Variants in UBL3 observed in about 807,000 individuals in gnomAD.
The protein encoded by UBL3 is ubiquitin like 3.
A neutral mutation model predicts 18.4 loss-of-function variants in UBL3; 6 were observed. That is an observed-to-expected ratio of 0.33 (90% CI 0.18 to 0.64). The LOEUF is 0.64. Among genes scored for constraint, UBL3 ranks in the 30% least tolerant of loss-of-function variants. The pLI, the probability that UBL3 is intolerant of heterozygous loss-of-function variation, is 0.76. For synonymous variants in UBL3, 49 were observed against 46.6 expected (o/e 1.05, Z -0.21); for missense variants, 109 against 142.9 (o/e 0.76, Z 1.21).
At chr13:29,790,414 A>G (rs1057218258) in intron 1 of UBL3, among the ~76,000 whole-genome samples, 1 of 152,188 alleles carries the variant, frequency 6.6e-6, no homozygotes, top group Non-Finnish European at 1.5e-5. Context: ...ACTTATGACC[A>G]TCTAATGAAA....
intron 1 of UBL3, among the ~76,000 whole-genome samples, chr13:29,791,221 T>C (rs575797638): frequency 2.0e-5 from 3 of 152,302 alleles, no homozygotes; most frequent in Admixed American, 1.3e-4. Flanking sequence ...ACTAATTCTT[T>C]CAAATTCTCT....
At chr13:29,825,865 G>A (rs956517576) in intron 1 of UBL3, among the ~76,000 whole-genome samples, 9 of 152,214 alleles carry the variant, frequency 5.9e-5, no homozygotes, top group South Asian at 2.1e-4. Flanking sequence ...TTTGAGATAC[G>A]TCCCATCAAT....
chr13:29,807,348 C>T lies in UBL3; in HGVS notation c.28-30085G>A, dbSNP rs557150733. Among the ~76,000 whole-genome samples, 6 of 152,298 alleles carry T rather than the reference C, an allele frequency of 3.9e-5. No individual in the cohort carries two copies. The East Asian group carries it at 7.7e-4, about 20-fold the overall frequency. ...GTAAGTCACTTCACTGCTCAAGGCT[C>T]AATTCCCTAGCCCACAAACTGGTGA... On this transcript the variant is annotated intron_variant, in intron 1 of 4. Transcript: ENST00000380680.
chr13:29,767,183 A>C lies in UBL3; in HGVS notation c.*72T>G. On this transcript the variant is annotated 3_prime_UTR_variant, in exon 5 of 5. Coordinates refer to ENST00000380680, the MANE Select transcript of UBL3 (RefSeq NM_007106.4). ...GACTGTTCTGAACGGTTTCTGAAGC[A>C]ATGTCGGGTCTTTTCTGTCCCAGCA... 1 of 1,560,706 alleles carries C rather than the reference A, an allele frequency of 6.4e-7. No individual in the cohort carries two copies. Among genetic ancestry groups the C allele is most frequent in the Non-Finnish European group, 8.8e-7 (1 of 1,137,270 alleles).
intron 3 of UBL3, among the ~76,000 whole-genome samples, chr13:29,769,775 G>A (rs1395966258): frequency 1.3e-5 from 2 of 152,022 alleles, no homozygotes; most frequent in African/African-American, 2.4e-5. Flanking sequence ...TTAAAAAGGG[G>A]GGATTCAGGG....
Position 29,777,193 on chromosome 13 carries a change from G to A in UBL3, c.98C>T (p.Ser33Phe). The change falls in exon 2 of 5, where the codon TCT becomes TTT. Residue 33 changes from serine to phenylalanine, a missense_variant. Transcript: ENST00000380680. ...EFLFSPNDSA[S>F]DIAKHVYDNW... ...GTCATATACATGCTTTGCAATGTCA[G>A]AAGCAGAATCGTTAGGAGAAAACAG... is the stretch of plus-strand genomic sequence containing the variant. The A allele has an allele frequency of 1.2e-6, 2 of 1,609,188 alleles. No individual in the cohort carries two copies. The highest frequency in any genetic ancestry group is 1.7e-6 in the Non-Finnish European group (2 of 1,177,618).
intron 1 of UBL3, among the ~76,000 whole-genome samples, chr13:29,780,367 A>AAAAAAAAAAT (rs1359464345): frequency 0.023 from 2,406 of 102,418 alleles, 98 homozygotes; most frequent in East Asian, 0.08. Context: ...AAAAAAAAAA[A>AAAAAAAAAAT]ATATATATAT....
chr13:29,849,382 C>G lies in UBL3; in HGVS notation c.27+130G>C, dbSNP rs537721410. 8.8e-5 allele frequency: 110 copies of G among 1,245,922 alleles called. No homozygotes were observed. The East Asian group carries it at 2.6e-3, about 30-fold the overall frequency. The allele number at this position is 1,245,922 out of a possible 1,614,324, so 77.2% of individuals were successfully genotyped here. A position where few individuals can be genotyped will look rare whatever the true frequency, so the allele number is the denominator to read the frequency against. On this transcript the variant is annotated intron_variant, in intron 1 of 4. Coordinates refer to ENST00000380680, the MANE Select transcript of UBL3 (RefSeq NM_007106.4). ...AGGGGGAAACCAGAAGCTCCAACTT[C>G]TCCAAATCGCTCAGCACAGTGGCTT...
At chr13:29,840,896 C>G (rs1019648115) in intron 1 of UBL3, among the ~76,000 whole-genome samples, 93 of 152,092 alleles carry the variant, frequency 6.1e-4, no homozygotes, top group African/African-American at 2.1e-3. Flanking sequence ...CGGTTCTATA[C>G]TTATTTGCAT....
chr13:29,782,419 A>G (rs1393269746), intron 1 of UBL3, among the ~76,000 whole-genome samples: 1 of 152,208 alleles, frequency 6.6e-6, no homozygotes. Flanking sequence ...TTCAAAAATC[A>G]ATGGTCTAAA....
chr13:29,827,602 C>T (rs1182198332), intron 1 of UBL3, among the ~76,000 whole-genome samples: 1 of 152,182 alleles, frequency 6.6e-6, no homozygotes, highest in African/African-American at 2.4e-5. Flanking sequence ...TTCCTGAATA[C>T]AGCACACTGA....
In UBL3 at chr13:29,766,846, C is replaced by T. The variant is rs990237018; in HGVS notation, c.*409G>A. On this transcript the variant is annotated 3_prime_UTR_variant, in exon 5 of 5. Coordinates refer to ENST00000380680, the MANE Select transcript of UBL3 (RefSeq NM_007106.4). Reference sequence around the variant, plus strand: ...TATATAAGTATTTCTAGATACCACACACTGTTATAAATTCTGCTGATGAGG... The same window carrying T: ...TATATAAGTATTTCTAGATACCACATACTGTTATAAATTCTGCTGATGAGG... The T allele has an allele frequency of 6.4e-6, 1 of 155,782 alleles. No homozygotes were observed. Among genetic ancestry groups the T allele is most frequent in the African/African-American group, 2.4e-5 (1 of 41,510 alleles). 9.6% of individuals were successfully genotyped at this position (155,782 alleles called of 1,614,324 possible).
At chr13:29,837,915 C>CAAT (rs373812724) in intron 1 of UBL3, among the ~76,000 whole-genome samples, 12,480 of 141,426 alleles carry the variant, frequency 0.088, 644 homozygotes, top group Middle Eastern at 0.12. Context: ...GACTCTGTCT[C>CAAT]AATAATAATA....
At position 29,781,929 on chromosome 13, in the gene UBL3, C is replaced by T. The variant is rs868347605; in HGVS notation, c.28-4666G>A. On this transcript the variant is annotated intron_variant, in intron 1 of 4. Transcript: ENST00000380680. ...AGGAGGATTACTTGCACCCAGAGTT[C>T]GAGGCTGTGGGGATACAGTGCAATG... 3.6e-4 allele frequency among the ~76,000 whole-genome samples: 54 copies of T among 148,942 alleles called. 1 individual carries two copies. In the Middle Eastern group the frequency reaches 0.021, roughly 59 times the overall value.
intron 1 of UBL3, among the ~76,000 whole-genome samples, chr13:29,839,095 C>T (rs1879028984): frequency 6.6e-6 from 1 of 152,144 alleles, no homozygotes; most frequent in African/African-American, 2.4e-5. Flanking sequence ...CAAATCCTCA[C>T]ATATTTGGCA....
At chr13:29,822,385 T>G (rs148100235) in intron 1 of UBL3, among the ~76,000 whole-genome samples, 66 of 152,206 alleles carry the variant, frequency 4.3e-4, no homozygotes, top group Non-Finnish European at 9.1e-4. Flanking sequence ...AGTCCTTTTG[T>G]GAGATCTCAA....
chr13:29,796,691 C>G (rs921562700), intron 1 of UBL3, among the ~76,000 whole-genome samples: 1 of 152,120 alleles, frequency 6.6e-6, no homozygotes, highest in African/African-American at 2.4e-5. Context: ...AAAATCAAAA[C>G]CACAGTGAAA....
intron 1 of UBL3, among the ~76,000 whole-genome samples, chr13:29,789,151 G>C (rs543839226): frequency 6.6e-6 from 1 of 151,988 alleles, no homozygotes; most frequent in African/African-American, 2.4e-5. Flanking sequence ...CACCAGCCTC[G>C]TCCTCCCAAA....
chr13:29,766,775 T>C lies in UBL3; in HGVS notation c.*480A>G, dbSNP rs1037456556. On this transcript the variant is annotated 3_prime_UTR_variant, in exon 5 of 5. Transcript: ENST00000380680. ...ATTTTTTCCTCTCAAGTTGGCCCAG[T>C]AATTAACTTCATTAATTGCTGAGTG... 6.6e-6 allele frequency: 1 copy of C among 152,306 alleles called. No homozygotes were observed. Among genetic ancestry groups the C allele is most frequent in the Non-Finnish European group, 1.5e-5 (1 of 68,116 alleles). The allele number at this position is 152,306 out of a possible 1,614,324, so 9.4% of individuals were successfully genotyped here.
Sources: gnomAD v4.1 joint callset for allele counts (sites outside exome capture counted in the v4.1 genomes callset) on GRCh38, gnomAD v4.1.1 for gene constraint, MANE v1.5 for transcripts, NCBI Gene and HGNC (gene_info 2026-07-23, HGNC 2026-07-21) for gene names.